The following PPM1B variants were observed in gnomAD, a reference collection of about 807,000 sequenced individuals.
The protein encoded by PPM1B is protein phosphatase 1B.
A neutral mutation model predicts 43.0 loss-of-function variants in PPM1B; 22 were observed. That is an observed-to-expected ratio of 0.51 (90% CI 0.37 to 0.73). The LOEUF is 0.73. Ranked by LOEUF, PPM1B falls within the 30% of genes least tolerant of loss-of-function variation. The pLI is 0.00. For missense variants in PPM1B, 632 were observed against 584.2 expected (o/e 1.08, Z -0.84); for synonymous variants, 217 against 197.9 (o/e 1.10, Z -0.81).
chr2:44,209,372 A>T, intron 3 of PPM1B, 45 bp downstream of exon 3: 1 of 1,600,270 alleles, frequency 6.2e-7, no homozygotes, highest in Non-Finnish European at 8.5e-7. Flanking sequence ...CAGGCACGGT[A>T]GCTCATGCCT....
chr2:44,234,662 A>G (rs2104286020), downstream of PPM1B: 3 of 977,972 alleles, frequency 3.1e-6, no homozygotes, highest in Non-Finnish European at 3.6e-6. Flanking sequence ...TAGCCTGGCT[A>G]TTCTCAAGTA....
chr2:44,177,880 A>T, intron 1 of PPM1B, among the ~76,000 whole-genome samples: 1 of 137,560 alleles, frequency 7.3e-6, no homozygotes, highest in Non-Finnish European at 1.6e-5. Flanking sequence ...TTGCATATAT[A>T]TTGCATAGTA....
chr2:44,214,032 C>G (rs569174873), intron 3 of PPM1B, among the ~76,000 whole-genome samples: 118 of 152,272 alleles, frequency 7.7e-4, no homozygotes, highest in African/African-American at 2.7e-3. Context: ...CTTAACCCCT[C>G]AAGGCACCAG....
downstream of PPM1B, among the ~76,000 whole-genome samples, chr2:44,239,474 T>C (rs930938026): frequency 7.9e-5 from 12 of 152,144 alleles, no homozygotes; most frequent in African/African-American, 2.4e-4. Flanking sequence ...CTATTTGTCA[T>C]TTTTTTGCTG....
downstream of PPM1B, among the ~76,000 whole-genome samples, chr2:44,238,300 T>C (rs772658912): frequency 1.6e-4 from 24 of 152,336 alleles, no homozygotes; most frequent in Admixed American, 2.6e-4. Context: ...ATAATAATTA[T>C]ATAGTATAAA....
At chr2:44,219,672 G>A (rs953022411) in intron 5 of PPM1B, among the ~76,000 whole-genome samples, 5 of 152,100 alleles carry the variant, frequency 3.3e-5, no homozygotes, top group Non-Finnish European at 4.4e-5. Flanking sequence ...GGCCGGGCAC[G>A]GTGGCTCATG....
intron 5 of PPM1B, among the ~76,000 whole-genome samples, chr2:44,219,861 T>G (rs112956018): frequency 7.3e-5 from 11 of 151,558 alleles, no homozygotes; most frequent in Admixed American, 5.3e-4. Context: ...GAGAATCGCT[T>G]GAACCCGGGA....
At chr2:44,173,622 C>T (rs1667451693) in intron 1 of PPM1B, among the ~76,000 whole-genome samples, 1 of 152,116 alleles carries the variant, frequency 6.6e-6, no homozygotes, top group South Asian at 2.1e-4. Flanking sequence ...CTTGTTATTG[C>T]TTGGCATAAC....
intron 3 of PPM1B, among the ~76,000 whole-genome samples, chr2:44,209,821 A>G (rs902491968): frequency 3.3e-5 from 5 of 151,508 alleles, no homozygotes; most frequent in African/African-American, 1.2e-4. Flanking sequence ...AAGTATTTCA[A>G]AACAAGTCCT....
intron 2 of PPM1B, among the ~76,000 whole-genome samples, chr2:44,205,226 A>G (rs148305321): frequency 2.6e-5 from 4 of 152,320 alleles, no homozygotes; most frequent in East Asian, 1.9e-4. Context: ...AAAGATATCC[A>G]TAAGTCATAT....
intron 5 of PPM1B, among the ~76,000 whole-genome samples, chr2:44,224,794 A>T (rs1036260805): frequency 6.6e-6 from 1 of 152,202 alleles, no homozygotes; most frequent in Admixed American, 6.5e-5. Context: ...CCCAGCTGAT[A>T]TGATAGTTTA....
At chr2:44,241,679 C>T (rs1670747285) in intron 5 of PPM1B, among the ~76,000 whole-genome samples, 2 of 112,970 alleles carry the variant, frequency 1.8e-5, no homozygotes, top group Admixed American at 8.4e-5. Flanking sequence ...CTTCAGTGAG[C>T]TGAGATCATG....
chr2:44,210,649 C>A (rs1334777206), intron 3 of PPM1B, among the ~76,000 whole-genome samples: 1 of 152,098 alleles, frequency 6.6e-6, no homozygotes, highest in Non-Finnish European at 1.5e-5. Flanking sequence ...TATATACTTT[C>A]TGTAACATTC....
At chr2:44,236,402 C>CAAAAAAAAAAAAAAAAAAA (rs61414038), downstream of PPM1B, among the ~76,000 whole-genome samples, 239 of 47,504 alleles carry the variant, frequency 5.0e-3, 39 homozygotes, top group Admixed American at 6.2e-3. Context: ...GACTCCGTCT[C>CAAAAAAAAAAAAAAAAAAA]AAAAAAAAAA....
chr2:44,203,466 C>T (rs1458977545), intron 2 of PPM1B, among the ~76,000 whole-genome samples: 2 of 103,588 alleles, frequency 1.9e-5, no homozygotes, highest in Non-Finnish European at 4.7e-5. Flanking sequence ...AGCATTTTCC[C>T]CAATTATAAA....
intron 1 of PPM1B, among the ~76,000 whole-genome samples, chr2:44,199,325 A>T (rs958242529): frequency 5.8e-4 from 53 of 91,098 alleles, no homozygotes; most frequent in Admixed American, 9.7e-4. Flanking sequence ...AAATAAAAAT[A>T]AAAAAAAAAA....
chr2:44,185,994 A>C (rs189251589), intron 1 of PPM1B, among the ~76,000 whole-genome samples: 4 of 152,240 alleles, frequency 2.6e-5, no homozygotes, highest in African/African-American at 9.6e-5. Context: ...TGTGAGCTAC[A>C]TGTTCTGTTT....
intron 1 of PPM1B, among the ~76,000 whole-genome samples, chr2:44,173,187 A>T (rs1214406915): frequency 6.6e-6 from 1 of 152,180 alleles, no homozygotes. Context: ...GCCAAAAAAG[A>T]CTAACAGACC....
intron 3 of PPM1B, among the ~76,000 whole-genome samples, chr2:44,213,398 A>G (rs559649758): frequency 1.3e-5 from 2 of 150,784 alleles, no homozygotes; most frequent in African/African-American, 2.4e-5. Context: ...ATGATGGTAT[A>G]ATAGTTCGTT....
Sources: gnomAD v4.1 joint callset for allele counts (sites outside exome capture counted in the v4.1 genomes callset) on GRCh38, gnomAD v4.1.1 for gene constraint, MANE v1.5 for transcripts, NCBI Gene and HGNC (gene_info 2026-07-23, HGNC 2026-07-21) for gene names.